The following CNKSR2 variants were observed in gnomAD, a reference collection of about 807,000 sequenced individuals.
CNKSR2 encodes the protein CNK homolog protein 2.
In CNKSR2, 14 loss-of-function variants were observed where a neutral mutation model predicts 84.4. The observed-to-expected ratio is 0.17, with a 90% CI of 0.11 to 0.26. CNKSR2 has a LOEUF of 0.26. Among genes scored for constraint, CNKSR2 ranks in the 10% least tolerant of loss-of-function variants. The probability of loss-of-function intolerance (pLI) is 1.00; values close to 1 mark genes in which losing one functional copy is unlikely to be tolerated. For synonymous variants in CNKSR2, 275 were observed against 277.9 expected, an observed-to-expected ratio of 0.99 and a Z score of 0.10; for missense variants, 485 against 771.2, an observed-to-expected ratio of 0.63 and a Z score of 4.40.
chrX:21,515,113 C>T (rs1569215949), intron 8 of CNKSR2, among the ~76,000 whole-genome samples: 1 of 110,855 alleles, frequency 9.0e-6, no homozygotes, highest in Non-Finnish European at 1.9e-5. Context: ...TCTGAGACTC[C>T]CTGAGATTTT....
At chrX:21,385,724 A>G (rs2089959103) in intron 1 of CNKSR2, among the ~76,000 whole-genome samples, 1 of 111,849 alleles carries the variant, frequency 8.9e-6, no homozygotes. Flanking sequence ...TAGCAGAGGT[A>G]GATGTGACGT....
chrX:21,634,416 C>T, intron 20 of CNKSR2, among the ~76,000 whole-genome samples: 1 of 111,929 alleles, frequency 8.9e-6, no homozygotes. Flanking sequence ...CTGGCAGTGC[C>T]CCTAAAGCAG....
chrX:21,580,862 T>G (rs2092348603), intron 13 of CNKSR2, among the ~76,000 whole-genome samples: 1 of 111,902 alleles, frequency 8.9e-6, no homozygotes, highest in African/African-American at 3.2e-5. Context: ...GACAGGCAAA[T>G]CTACTCTTAT....
chrX:21,630,840 A>C (rs73453519), intron 20 of CNKSR2, among the ~76,000 whole-genome samples: 7,250 of 110,641 alleles, frequency 0.066, 584 homozygotes, highest in African/African-American at 0.22. Context: ...ACATTTACAA[A>C]AATTTACCTT....
chrX:21,390,363 G>T (rs1034790912), intron 1 of CNKSR2, among the ~76,000 whole-genome samples: 2 of 111,334 alleles, frequency 1.8e-5, no homozygotes, highest in Admixed American at 1.9e-4. Context: ...ATGAAAAGAG[G>T]TTTAATTGGC....
chrX:21,577,094 T>C (rs924464859), intron 13 of CNKSR2, among the ~76,000 whole-genome samples: 1 of 112,036 alleles, frequency 8.9e-6, no homozygotes, highest in Non-Finnish European at 1.9e-5. Context: ...TGTTTAAATG[T>C]TTAGAAATTT....
chrX:21,582,072 C>G (rs1264157427), intron 13 of CNKSR2, among the ~76,000 whole-genome samples: 1 of 111,495 alleles, frequency 9.0e-6, no homozygotes, highest in African/African-American at 3.3e-5. Flanking sequence ...CCATCTCTGT[C>G]TACTTAGGCT....
intron 4 of CNKSR2, among the ~76,000 whole-genome samples, chrX:21,446,200 T>C (rs181477221): frequency 1.4e-4 from 16 of 111,316 alleles, no homozygotes; most frequent in African/African-American, 4.9e-4. Context: ...ATAATGCTAA[T>C]ATAGTAAGTC....
chrX:21,406,352 G>A (rs1282789415), intron 1 of CNKSR2, among the ~76,000 whole-genome samples: 1 of 111,476 alleles, frequency 9.0e-6, no homozygotes, highest in African/African-American at 3.3e-5. Flanking sequence ...GACTACTGAT[G>A]TAGAGGATGA....
chrX:21,405,964 C>T (rs2090257210), intron 1 of CNKSR2, among the ~76,000 whole-genome samples: 1 of 111,184 alleles, frequency 9.0e-6, no homozygotes, highest in Non-Finnish European at 1.9e-5. Context: ...AGCAGAGTAG[C>T]GTGTAGATTC....
At chrX:21,443,471 G>A (rs1193406964) in intron 4 of CNKSR2, among the ~76,000 whole-genome samples, 6 of 111,176 alleles carry the variant, frequency 5.4e-5, no homozygotes, top group African/African-American at 2.0e-4. Context: ...TTGATGATAT[G>A]CTTTTTACCT....
At chrX:21,645,772 G>C (rs1379696003) in intron 20 of CNKSR2, 1 of 110,859 alleles carries the variant, frequency 9.0e-6, no homozygotes, top group African/African-American at 3.3e-5. Flanking sequence ...ATGAAGAAGA[G>C]GGCAAAAAGA....
At chrX:21,649,470 A>G (rs1165083056) in intron 21 of CNKSR2, among the ~76,000 whole-genome samples, 1 of 112,662 alleles carries the variant, frequency 8.9e-6, no homozygotes, top group Non-Finnish European at 1.9e-5. Context: ...ACTGCAGTGC[A>G]TTTGGGATGA....
chrX:21,469,681 C>T (rs988153790), intron 4 of CNKSR2, among the ~76,000 whole-genome samples: 2 of 110,444 alleles, frequency 1.8e-5, no homozygotes, highest in Admixed American at 9.7e-5. Flanking sequence ...TCTGCCGAGG[C>T]GGGCAGATCA....
intron 3 of CNKSR2, among the ~76,000 whole-genome samples, chrX:21,437,214 A>G (rs920607709): frequency 1.8e-5 from 2 of 110,729 alleles, no homozygotes; most frequent in Non-Finnish European, 3.8e-5. Context: ...TTAAGTAGTT[A>G]TGGTAAAACA....
intron 3 of CNKSR2, among the ~76,000 whole-genome samples, chrX:21,433,650 T>G (rs2090665587): frequency 1.1e-5 from 1 of 93,460 alleles, no homozygotes; most frequent in African/African-American, 4.2e-5. Flanking sequence ...TCATATGTGT[T>G]CCTACACACA....
rs748112876 is a variant in CNKSR2, at chrX:21,450,360, T to G, written c.519+9579T>G. Among the ~76,000 whole-genome samples, 18 of 111,945 alleles carry G rather than the reference T, an allele frequency of 1.6e-4. No homozygotes were observed. The East Asian group carries it at 4.8e-3, about 30-fold the overall frequency. On this transcript the variant is annotated intron_variant, in intron 4 of 21. Coordinates refer to ENST00000379510, the MANE Select transcript of CNKSR2 (RefSeq NM_014927.5). ...TAGTATTTATTAGGATTTTTATATCTTGTCATCATCAATGATCTAAAACTA... is the reference window on the plus strand; with the variant it reads ...TAGTATTTATTAGGATTTTTATATCGTGTCATCATCAATGATCTAAAACTA...
At chrX:21,639,394 T>C (rs1459721014) in intron 20 of CNKSR2, among the ~76,000 whole-genome samples, 2 of 112,121 alleles carry the variant, frequency 1.8e-5, no homozygotes, top group Non-Finnish European at 3.8e-5. Flanking sequence ...AGATTCGTAA[T>C]GCACATGCCA....
At chrX:21,567,444 G>A (rs1028323420) in intron 13 of CNKSR2, among the ~76,000 whole-genome samples, 3 of 111,443 alleles carry the variant, frequency 2.7e-5, no homozygotes, top group Admixed American at 9.6e-5. Context: ...AACTTCAGTG[G>A]CTTTCTCAGT....
Sources: allele counts gnomAD v4.1 joint callset (sites outside exome capture counted in the v4.1 genomes callset), GRCh38; gene constraint gnomAD v4.1.1; transcripts MANE v1.5; gene names NCBI Gene and HGNC (gene_info 2026-07-23, HGNC 2026-07-21).